TMEM237: variants seen among roughly 807,000 people sequenced by gnomAD.
The protein encoded by TMEM237 is transmembrane protein 237.
A neutral mutation model predicts 59.1 loss-of-function variants in TMEM237; 51 were observed. The ratio of observed to expected loss-of-function variants is 0.86; its 90% CI spans 0.69 to 1.09. TMEM237 has a LOEUF of 1.09. Among genes scored for constraint, TMEM237 ranks in the 50% least tolerant of loss-of-function variants. TMEM237 has a pLI of 0.00. For synonymous variants in TMEM237, 140 were observed against 166.1 expected (o/e 0.84, Z 1.21); for missense variants, 475 against 478.3 (o/e 0.99, Z 0.06).
rs1021521236 is a variant in TMEM237 at position 201,621,968 on chromosome 2, C to T, written c.*2287G>A. 6.6e-6 allele frequency: 1 copy of T among 152,222 alleles called. No individual in the cohort carries two copies. The highest frequency in any genetic ancestry group is 2.4e-5 in the African/African-American group (1 of 41,438). The allele number at this position is 152,222 out of a possible 1,614,324, so 9.4% of individuals were successfully genotyped here. A position where few individuals can be genotyped will look rare whatever the true frequency, so the allele number is the denominator to read the frequency against. On this transcript the variant is annotated 3_prime_UTR_variant, in exon 13 of 13. Transcript: ENST00000409883. ...AAACTTCCCTGTCATCACAGTCAAA[C>T]AATTTTTGAGACACACCAGAAACAC...
intron 3 of TMEM237, among the ~76,000 whole-genome samples, chr2:201,639,402 C>T (rs990712272): frequency 6.6e-6 from 1 of 152,202 alleles, no homozygotes; most frequent in Admixed American, 6.5e-5. Flanking sequence ...CAGAGCCAAA[C>T]GTTGAAAGAG....
chr2:201,630,216 G>A (rs1574580671), intron 7 of TMEM237, among the ~76,000 whole-genome samples: 1 of 152,084 alleles, frequency 6.6e-6, no homozygotes, highest in East Asian at 1.9e-4. Context: ...GACTTTAGAA[G>A]TATTAAAGTT....
rs191658812 is a variant in TMEM237, at chr2:201,627,688, G to C, written c.944-274C>G. ...TTTAAAAGTTAAATGACTTGCTCAAGGTCCTAAAACTAGTTTTATTAATAT... is the reference window on the plus strand; with the variant it reads ...TTTAAAAGTTAAATGACTTGCTCAACGTCCTAAAACTAGTTTTATTAATAT... On this transcript the variant is annotated intron_variant, in intron 10 of 12. Coordinates refer to ENST00000409883, the MANE Select transcript of TMEM237 (RefSeq NM_001044385.3). 7.9e-5 allele frequency among the ~76,000 whole-genome samples: 12 copies of C among 152,150 alleles called. No individual in the cohort carries two copies. The East Asian group carries it at 2.1e-3, about 27-fold the overall frequency.
intron 1 of TMEM237, chr2:201,642,963 C>T (rs1354627678): frequency 1.1e-5 from 15 of 1,312,420 alleles, no homozygotes; most frequent in Non-Finnish European, 1.4e-5. Context: ...TGACGGAAGA[C>T]CTTAATTAAA....
chr2:201,627,522 A>G lies in TMEM237; in HGVS notation c.944-108T>C, dbSNP rs981183456. The G allele has an allele frequency of 4.3e-6, 3 of 696,380 alleles. No homozygotes were observed. The African/African-American group carries it at 5.4e-5, about 13-fold the overall frequency. The allele number at this position is 696,380 out of a possible 1,614,324, so 43.1% of individuals were successfully genotyped here. A position where few individuals can be genotyped will look rare whatever the true frequency, so the allele number is the denominator to read the frequency against. On this transcript the variant is annotated intron_variant, in intron 10 of 12. Transcript: ENST00000409883. Reference sequence around the variant, plus strand: ...CTATACTTTCATGACTGATGATATAAAAGAAATTTATTTGACCAAATAAAT... The same window carrying G: ...CTATACTTTCATGACTGATGATATAGAAGAAATTTATTTGACCAAATAAAT...
chr2:201,643,271 G>GGC lies in TMEM237; in HGVS notation c.42+86_42+87dup. 1 of 1,237,852 alleles carries GGC rather than the reference G, an allele frequency of 8.1e-7. No homozygotes were observed. The highest frequency in any genetic ancestry group is 1.1e-6 in the Non-Finnish European group (1 of 872,802). 76.7% of individuals were successfully genotyped at this position (1,237,852 alleles called of 1,614,324 possible). On this transcript the variant is annotated intron_variant, in intron 1 of 12. Coordinates refer to ENST00000409883, the MANE Select transcript of TMEM237 (RefSeq NM_001044385.3). This position sits in a 1 kb window ranked among gnomAD's most constrained non-coding sequence, Gnocchi z 4.3. ...CTCCCTTAGTGATTCCCAGCTCGTT[G>GGC]GCGCCCCCCCACACACACCCACCCC...
chr2:201,628,032 T>C, intron 10 of TMEM237, 44 bp downstream of exon 10: 2 of 1,389,400 alleles, frequency 1.4e-6, no homozygotes, highest in Non-Finnish European at 2.0e-6. Context: ...AATTATGGTA[T>C]AACTGAAGTA....
chr2:201,627,492 A>T, intron 10 of TMEM237, 78 bp from the exon 11 acceptor site: 3 of 958,524 alleles, frequency 3.1e-6, no homozygotes, highest in Non-Finnish European at 3.1e-6. Context: ...AATATCGAAA[A>T]TAATCTATAC....
Position 201,643,283 on chromosome 2 carries a change from CACACA to C in TMEM237, c.42+71_42+75del. The C allele has an allele frequency of 3.6e-6, 5 of 1,378,844 alleles. No individual in the cohort carries two copies. The highest frequency in any genetic ancestry group is 5.0e-6 in the Non-Finnish European group (5 of 999,732). 85.4% of individuals were successfully genotyped at this position (1,378,844 alleles called of 1,614,324 possible). A position where few individuals can be genotyped will look rare whatever the true frequency, so the allele number is the denominator to read the frequency against. ...TTCCCAGCTCGTTGGCGCCCCCCCA[CACACA>C]CCCACCCCCACTGCCAAGTGTAGCT... is the stretch of plus-strand genomic sequence containing the variant. On this transcript the variant is annotated intron_variant, in intron 1 of 12. Coordinates refer to ENST00000409883, the MANE Select transcript of TMEM237 (RefSeq NM_001044385.3). This position sits in a 1 kb window ranked among gnomAD's most constrained non-coding sequence, Gnocchi z 4.3.
rs1559590858 is a variant in TMEM237 at position 201,640,910 on chromosome 2, A to G, written c.57T>C (p.Ala19=). ...ATTTTTACCTTGGCACAGGTGGAAG[A>G]GCTCGTGGAGGACGCTGTGGCGGAA... The part of the protein sequence containing the change: ...LEEGHLRPPR[A]LPPVPSQDDI... The change falls in exon 2 of 13, where the codon GCT becomes GCC. Residue 19 remains alanine (A), a synonymous_variant. Coordinates refer to ENST00000409883, the MANE Select transcript of TMEM237 (RefSeq NM_001044385.3). 1.2e-6 allele frequency: 2 copies of G among 1,602,520 alleles called. No homozygotes were observed. The highest frequency in any genetic ancestry group is 1.7e-6 in the Non-Finnish European group (2 of 1,171,744).
In TMEM237 at chr2:201,643,389, G is replaced by A; in HGVS notation, c.12C>T (p.Asp4=). Residue 4 remains aspartate (D), a synonymous_variant, in exon 1 of 13, where the codon GAC becomes GAT. Coordinates refer to ENST00000409883, the MANE Select transcript of TMEM237 (RefSeq NM_001044385.3). This position sits in a 1 kb window ranked among gnomAD's most constrained non-coding sequence, Gnocchi z 4.3. MRT[D]SGARLEEGHL... ...GGCCCTCCTCCAGCCGAGCCCCCGA[G>A]TCAGTCCTCATGGTGCTCTCCCCGC... 1.3e-6 allele frequency: 2 copies of A among 1,545,276 alleles called. No individual in the cohort carries two copies. Among genetic ancestry groups the A allele is most frequent in the Non-Finnish European group, 1.7e-6 (2 of 1,144,762 alleles).
chr2:201,632,591 T>C (rs1026587300), intron 6 of TMEM237, among the ~76,000 whole-genome samples: 2 of 152,222 alleles, frequency 1.3e-5, no homozygotes. Flanking sequence ...CTGATCGTTT[T>C]GTAAGGGGCT....
At chr2:201,639,403 G>A (rs1687366599) in intron 3 of TMEM237, among the ~76,000 whole-genome samples, 1 of 152,210 alleles carries the variant, frequency 6.6e-6, no homozygotes, top group Non-Finnish European at 1.5e-5. Flanking sequence ...AGAGCCAAAC[G>A]TTGAAAGAGC....
intron 5 of TMEM237, chr2:201,636,511 T>C: frequency 2.4e-6 from 1 of 415,980 alleles, no homozygotes; most frequent in South Asian, 3.7e-5. Context: ...ACTTTCTGTT[T>C]AGTCCTGTAT....
chr2:201,629,300 T>C lies in TMEM237; in HGVS notation c.799A>G (p.Thr267Ala). 1.9e-6 allele frequency: 3 copies of C among 1,609,848 alleles called. No homozygotes were observed. In the South Asian group the frequency reaches 3.3e-5, roughly 18 times the overall value. The change falls in exon 9 of 13, where the codon ACC becomes GCC. Residue 267 changes from threonine to alanine, a missense_variant. Coordinates refer to ENST00000409883, the MANE Select transcript of TMEM237 (RefSeq NM_001044385.3). ...NLSNLLQQYKTLAYPFQSLLY... is the reference protein window; with the variant it reads ...NLSNLLQQYKALAYPFQSLLY... The stretch of plus-strand genomic sequence containing the variant: ...AGACTCTGGAATGGATACGCTAGGG[T>C]CTTGTATTGTTGCAGAAGGTTTGAG...
At chr2:201,640,137 T>C (rs1687385434) in intron 3 of TMEM237, 124 bp downstream of exon 3, 2 of 765,490 alleles carry the variant, frequency 2.6e-6, no homozygotes, top group Non-Finnish European at 1.9e-6. Context: ...TGGGAGATTA[T>C]TTCACAAAAA....
In TMEM237 at chr2:201,626,011, T is replaced by G. The variant is rs753804873; in HGVS notation, c.1159+15A>C. 6 of 1,558,684 alleles carry G rather than the reference T, an allele frequency of 3.8e-6. No homozygotes were observed. The highest frequency in any genetic ancestry group is 1.7e-4 in the Middle Eastern group (1 of 5,982). ...GATTTCAGGATATTCTTATGCTATT[T>G]TTTTTCTTTAATACCTTCACTAAGA... On this transcript the variant is annotated intron_variant, in intron 12 of 12. Coordinates refer to ENST00000409883, the MANE Select transcript of TMEM237 (RefSeq NM_001044385.3).
Position 201,643,273 on chromosome 2 carries a change from C to CG in TMEM237, c.42+85dup. On this transcript the variant is annotated intron_variant, in intron 1 of 12. Coordinates refer to ENST00000409883, the MANE Select transcript of TMEM237 (RefSeq NM_001044385.3). The surrounding 1 kb of genome is among the most constrained non-coding windows in gnomAD (Gnocchi z 4.3). The stretch of plus-strand genomic sequence containing the variant: ...CCCTTAGTGATTCCCAGCTCGTTGG[C>CG]GCCCCCCCACACACACCCACCCCCA... 2.1e-5 allele frequency: 26 copies of CG among 1,223,704 alleles called. No individual in the cohort carries two copies. Among genetic ancestry groups the CG allele is most frequent in the African/African-American group, 3.0e-5 (2 of 66,136 alleles). 75.8% of individuals were successfully genotyped at this position (1,223,704 alleles called of 1,614,324 possible).
chr2:201,642,753 C>A, intron 1 of TMEM237: 2 of 1,460,292 alleles, frequency 1.4e-6, no homozygotes, highest in Admixed American at 2.9e-5. Context: ...ACCCCGCGCG[C>A]AGCGCCCTGC....
Sources: gnomAD v4.1 joint callset for allele counts (sites outside exome capture counted in the v4.1 genomes callset) on GRCh38, gnomAD v4.1.1 for gene constraint, Gnocchi (gnomAD v3.1) non-coding constraint, MANE v1.5 for transcripts, NCBI Gene and HGNC (gene_info 2026-07-23, HGNC 2026-07-21) for gene names.